ZFR: variants seen among roughly 807,000 people sequenced by gnomAD.
The protein encoded by ZFR is zinc finger RNA binding protein.
ZFR carries 19 observed loss-of-function variants against 130.7 expected under a neutral mutation model. The ratio of observed to expected loss-of-function variants is 0.15; its 90% CI spans 0.10 to 0.21. The LOEUF is 0.21. ZFR is among the 10% of genes least tolerant of loss of function. The probability of loss-of-function intolerance (pLI) is 1.00; values close to 1 mark genes in which losing one functional copy is unlikely to be tolerated. For missense variants in ZFR, 872 were observed against 1,321.5 expected (o/e 0.66, Z 5.27); for synonymous variants, 466 against 456.9 (o/e 1.02, Z -0.25).
intron 6 of ZFR, 90 bp from the exon 7 acceptor site, chr5:32,404,187 C>T (rs1753529627): frequency 4.9e-6 from 6 of 1,221,570 alleles, no homozygotes; most frequent in East Asian, 2.4e-5. Flanking sequence ...TAATACTCAT[C>T]TAAAAATGAG....
intron 4 of ZFR, among the ~76,000 whole-genome samples, chr5:32,417,009 C>T (rs1321994469): frequency 6.6e-6 from 1 of 150,840 alleles, no homozygotes; most frequent in African/African-American, 2.4e-5. Context: ...GTGTGCTGCA[C>T]CCATTAACTT....
Position 32,444,266 on chromosome 5 carries a change from T to C in ZFR, c.100A>G (p.Ser34Gly), listed in dbSNP as rs778296485. The change falls in exon 2 of 20, where the codon AGC (serine) becomes GGC (glycine). Residue 34 changes from serine to glycine, a missense_variant. Transcript: ENST00000265069. ...GCAGCCGCCGCCGCCGCCGCCCCGC[T>C]GTGGGTGAATCCAAAGTAGTTGCCG... is the stretch of plus-strand genomic sequence containing the variant. ...ATGNYFGFTH[S>G]GAAAAAAAAQ... The C allele has an allele frequency of 2.6e-5, 40 of 1,562,804 alleles. No individual in the cohort carries two copies. Among genetic ancestry groups the C allele is most frequent in the Non-Finnish European group, 3.5e-5 (40 of 1,155,710 alleles).
At chr5:32,425,277 G>A (rs1754047268) in intron 2 of ZFR, among the ~76,000 whole-genome samples, 2 of 152,140 alleles carry the variant, frequency 1.3e-5, no homozygotes, top group African/African-American at 4.8e-5. Flanking sequence ...TCCCCTAAGG[G>A]TTCCTGAGAC....
intron 2 of ZFR, among the ~76,000 whole-genome samples, chr5:32,429,013 T>G (rs1207595830): frequency 2.2e-5 from 3 of 133,506 alleles, no homozygotes; most frequent in Non-Finnish European, 3.1e-5. Flanking sequence ...TGAGACGGAG[T>G]CTTGCTCTGT....
chr5:32,365,151 T>C (rs1193944621), intron 17 of ZFR, among the ~76,000 whole-genome samples: 1 of 152,226 alleles, frequency 6.6e-6, no homozygotes, highest in East Asian at 1.9e-4. Context: ...GGCTTATCCA[T>C]GTTGTAGCTT....
intron 11 of ZFR, among the ~76,000 whole-genome samples, chr5:32,390,746 C>T (rs1753149641): frequency 6.6e-6 from 1 of 152,192 alleles, no homozygotes; most frequent in African/African-American, 2.4e-5. Context: ...AGGAGGCAGG[C>T]CAACACTGTG....
At chr5:32,381,047 T>C (rs1752924923) in intron 15 of ZFR, among the ~76,000 whole-genome samples, 1 of 151,966 alleles carries the variant, frequency 6.6e-6, no homozygotes, top group Non-Finnish European at 1.5e-5. Flanking sequence ...AAAGTTCCCA[T>C]AAAGTATTTC....
At position 32,379,196 on chromosome 5, in the gene ZFR, A is replaced by G; in HGVS notation, c.2754T>C (p.Gly918=). The G allele has an allele frequency of 1.2e-6, 2 of 1,613,970 alleles. No individual in the cohort carries two copies. The highest frequency in any genetic ancestry group is 2.2e-5 in the South Asian group (2 of 91,074). Residue 918 remains glycine, a synonymous_variant, in exon 17 of 20, where the codon GGT becomes GGC. Coordinates refer to ENST00000265069, the MANE Select transcript of ZFR (RefSeq NM_016107.5). ...GTATGATAATCACACAGGACTGCAGACCATTAGCTCTAGCCTTGAGAGCAA... is the reference window on the plus strand; with the variant it reads ...GTATGATAATCACACAGGACTGCAGGCCATTAGCTCTAGCCTTGAGAGCAA... ...HAKWFQARAN[G]LQSCVIIIRI...
intron 10 of ZFR, among the ~76,000 whole-genome samples, chr5:32,396,250 G>A (rs1753308349): frequency 6.6e-6 from 1 of 151,380 alleles, no homozygotes. Flanking sequence ...TTGACTGCGT[G>A]AGGGGCCCCT....
At chr5:32,390,788 T>G (rs927463166) in intron 11 of ZFR, among the ~76,000 whole-genome samples, 1 of 152,116 alleles carries the variant, frequency 6.6e-6, no homozygotes, top group African/African-American at 2.4e-5. Flanking sequence ...AGATCAACAT[T>G]TGGGAATTTT....
At chr5:32,414,270 TAA>T (rs1320317602) in intron 5 of ZFR, among the ~76,000 whole-genome samples, 9 of 152,244 alleles carry the variant, frequency 5.9e-5, no homozygotes, top group South Asian at 2.1e-4. Context: ...CTCTGAGAAA[TAA>T]AAGAGTGTCA....
At position 32,420,110 on chromosome 5, in the gene ZFR, T is replaced by C. The variant is rs1013436239; in HGVS notation, c.138-7A>G. The C allele has an allele frequency of 6.4e-7, 1 of 1,553,218 alleles. No individual in the cohort carries two copies. The highest frequency in any genetic ancestry group is 1.4e-5 in the African/African-American group (1 of 73,052). Reference sequence around the variant, plus strand: ...ACCCGAAGCTGGCTGCTGGCTACATTGTGGAGTACAAGAATAAATATAATA... The same window carrying C: ...ACCCGAAGCTGGCTGCTGGCTACATCGTGGAGTACAAGAATAAATATAATA... On this transcript the variant is annotated splice_region_variant and splice_polypyrimidine_tract_variant and intron_variant, in intron 2 of 19. Coordinates refer to ENST00000265069, the MANE Select transcript of ZFR (RefSeq NM_016107.5).
At chr5:32,407,927 TA>T (rs1276606509) in intron 5 of ZFR, among the ~76,000 whole-genome samples, 3 of 152,076 alleles carry the variant, frequency 2.0e-5, no homozygotes, top group African/African-American at 7.2e-5. Context: ...CACAGCCTTG[TA>T]TCTGTTTTCC....
chr5:32,375,351 TAC>T (rs1752778492), intron 17 of ZFR, among the ~76,000 whole-genome samples: 1 of 152,236 alleles, frequency 6.6e-6, no homozygotes, highest in African/African-American at 2.4e-5. Context: ...TCATGCTTAA[TAC>T]AGTTTATAGA....
intron 19 of ZFR, among the ~76,000 whole-genome samples, chr5:32,359,299 T>C (rs1165093790): frequency 7.0e-6 from 1 of 143,462 alleles, no homozygotes; most frequent in Non-Finnish European, 1.5e-5. Context: ...TATGAGATTT[T>C]TTTGCGATTT....
At chr5:32,437,630 A>T (rs1191750434) in intron 2 of ZFR, among the ~76,000 whole-genome samples, 2 of 152,198 alleles carry the variant, frequency 1.3e-5, no homozygotes, top group East Asian at 3.8e-4. Flanking sequence ...TTCATCAATT[A>T]CAACATTTAT....
At chr5:32,412,507 A>G (rs762257600) in intron 5 of ZFR, among the ~76,000 whole-genome samples, 2 of 152,244 alleles carry the variant, frequency 1.3e-5, no homozygotes, top group Non-Finnish European at 2.9e-5. Flanking sequence ...TTTCAAAAAC[A>G]AAGCACAAGC....
intron 8 of ZFR, among the ~76,000 whole-genome samples, chr5:32,400,760 G>A (rs1262600010): frequency 6.6e-6 from 1 of 152,142 alleles, no homozygotes; most frequent in Non-Finnish European, 1.5e-5. Flanking sequence ...GGGCTGAGGT[G>A]GAAGGACTGC....
intron 19 of ZFR, among the ~76,000 whole-genome samples, chr5:32,361,783 C>T (rs1038902068): frequency 1.3e-5 from 2 of 152,080 alleles, no homozygotes; most frequent in African/African-American, 2.4e-5. Flanking sequence ...CCACCACGCC[C>T]GGCTAATTCT....
Sources: gnomAD v4.1 joint callset for allele counts (sites outside exome capture counted in the v4.1 genomes callset) on GRCh38, gnomAD v4.1.1 for gene constraint, MANE v1.5 for transcripts, NCBI Gene and HGNC (gene_info 2026-07-23, HGNC 2026-07-21) for gene names.